TSHR: variants seen among roughly 807,000 people sequenced by gnomAD.
TSHR encodes the protein thyroid stimulating hormone receptor, also known as thyrotropin receptor.
A neutral mutation model predicts 64.1 loss-of-function variants in TSHR; 51 were observed. That is an observed-to-expected ratio of 0.80 (90% CI 0.64 to 1.01). The LOEUF (loss-of-function observed/expected upper bound fraction) is 1.01, where lower values mean the gene tolerates loss of function less well. Ranked by LOEUF, TSHR falls within the 50% of genes least tolerant of loss-of-function variation. The probability of loss-of-function intolerance (pLI) is 0.00; values close to 1 mark genes in which losing one functional copy is unlikely to be tolerated. For missense variants in TSHR, 877 were observed against 942.8 expected (o/e 0.93, Z 0.91); for synonymous variants, 361 against 361.9 (o/e 1.00, Z 0.03).
Position 81,067,486 on chromosome 14 carries a change from TA to T in TSHR, c.243-767del, listed in dbSNP as rs1371567542. ...TTAGTGAAAGGAGTTTATAGTTTTA[TA>T]TATATATATATATATATAGTGATAT... On this transcript the variant is annotated intron_variant, in intron 2 of 9. Transcript: ENST00000298171. Among the ~76,000 whole-genome samples the T allele has an allele frequency of 5.1e-3, 726 of 142,182 alleles. 4 individuals are homozygous for T. Among genetic ancestry groups the T allele is most frequent in the African/African-American group, 0.018 (669 of 36,854 alleles). The allele number at this position is 142,182 out of a possible 152,430, so 93.3% of individuals were successfully genotyped here.
At chr14:81,000,342 G>A (rs1189374384) in intron 1 of TSHR, among the ~76,000 whole-genome samples, 1 of 152,050 alleles carries the variant, frequency 6.6e-6, no homozygotes, top group Non-Finnish European at 1.5e-5. Flanking sequence ...CATCTAGCAC[G>A]ATGTTTAACA....
intron 1 of TSHR, among the ~76,000 whole-genome samples, chr14:81,008,784 A>G (rs959019268): frequency 6.6e-6 from 1 of 152,238 alleles, no homozygotes; most frequent in African/African-American, 2.4e-5. Flanking sequence ...TACTGTAAGA[A>G]TAATGGAAAT....
At chr14:81,052,090 C>T (rs1413580905) in intron 1 of TSHR, 2 of 151,802 alleles carry the variant, frequency 1.3e-5, no homozygotes, top group African/African-American at 4.9e-5. Flanking sequence ...GTTGCCTCTG[C>T]TTTGGGGGAC....
At chr14:81,087,665 GA>G (rs1053848295) in intron 3 of TSHR, 19 of 401,210 alleles carry the variant, frequency 4.7e-5, no homozygotes, top group African/African-American at 1.8e-4. Flanking sequence ...AAATGTAAAA[GA>G]AAAAAAATTC....
At chr14:80,996,579 A>G (rs571589327) in intron 1 of TSHR, among the ~76,000 whole-genome samples, 2 of 103,962 alleles carry the variant, frequency 1.9e-5, no homozygotes, top group African/African-American at 6.5e-5. Flanking sequence ...ACTCCCGCAC[A>G]TTGAGATCTG....
At position 81,145,909 on chromosome 14, in the gene TSHR, G is replaced by C. The variant is rs1891910021; in HGVS notation, c.*1556G>C. ...TCATAAACCACACCATGAAATAAAA[G>C]CTCTTTGTTGTTTTAAGATTGTGAA... On this transcript the variant is annotated 3_prime_UTR_variant, in exon 10 of 10. Transcript: ENST00000298171. The C allele has an allele frequency of 4.3e-6, 1 of 232,398 alleles. No individual in the cohort carries two copies. Among genetic ancestry groups the C allele is most frequent in the Non-Finnish European group, 8.5e-6 (1 of 117,636 alleles). The allele number at this position is 232,398 out of a possible 1,614,324, so 14.4% of individuals were successfully genotyped here. A position where few individuals can be genotyped will look rare whatever the true frequency, so the allele number is the denominator to read the frequency against.
At chr14:81,045,493 C>T (rs1885131397) in intron 1 of TSHR, among the ~76,000 whole-genome samples, 1 of 152,124 alleles carries the variant, frequency 6.6e-6, no homozygotes, top group Admixed American at 6.6e-5. Context: ...ATCAACCCGT[C>T]AGCTAGGTAT....
intron 8 of TSHR, among the ~76,000 whole-genome samples, chr14:81,122,479 G>A (rs948901797): frequency 3.3e-5 from 5 of 152,064 alleles, no homozygotes; most frequent in Middle Eastern, 3.2e-3. Context: ...CATGACAAAG[G>A]AAATGAAAGC....
intron 1 of TSHR, chr14:80,983,279 A>G (rs1888264701): frequency 2.5e-6 from 3 of 1,195,290 alleles, no homozygotes; most frequent in Non-Finnish European, 2.3e-6. Flanking sequence ...GATCAAAGAT[A>G]CTAGGGCAAC....
intron 1 of TSHR, among the ~76,000 whole-genome samples, chr14:81,058,546 T>A (rs889859742): frequency 6.6e-6 from 1 of 152,166 alleles, no homozygotes; most frequent in Admixed American, 6.5e-5. Context: ...GAGGTGAGGT[T>A]TTTTTCTCAT....
intron 3 of TSHR, among the ~76,000 whole-genome samples, chr14:81,070,651 A>C (rs565510730): frequency 3.5e-5 from 5 of 143,334 alleles, no homozygotes; most frequent in African/African-American, 1.4e-4. Context: ...AAAAAAAAAA[A>C]GCAGCAAGGA....
chr14:81,006,391 A>G (rs1292985543), intron 1 of TSHR, among the ~76,000 whole-genome samples: 2 of 152,060 alleles, frequency 1.3e-5, no homozygotes, highest in Admixed American at 6.6e-5. Context: ...GTGTTCTCAC[A>G]TGGTTTTGTC....
Position 81,143,964 on chromosome 14 carries a change from T to G in TSHR, c.1906T>G (p.Cys636Gly), listed in dbSNP as rs1891823429. 1.9e-6 allele frequency: 3 copies of G among 1,614,242 alleles called. 1 individual carries two copies. ...TGTGTTGATCTTCACCGACTTCATA[T>G]GCATGGCCCCAATCTCATTCTATGC... ...MAVLIFTDFI[C>G]MAPISFYALS... The change falls in exon 10 of 10, where the codon TGC becomes GGC. Residue 636 changes from cysteine (C) to glycine (G), a missense_variant. Physicochemically the swap from Cys to Gly is radical, Grantham distance 159. Transcript: ENST00000298171.
chr14:81,007,093 A>G (rs1448995678), intron 1 of TSHR, among the ~76,000 whole-genome samples: 1 of 152,164 alleles, frequency 6.6e-6, no homozygotes, highest in African/African-American at 2.4e-5. Context: ...CGTCCTCTCA[A>G]AATTCACGTT....
chr14:81,140,739 G>A (rs1055374396), intron 9 of TSHR, among the ~76,000 whole-genome samples: 2 of 152,074 alleles, frequency 1.3e-5, no homozygotes, highest in African/African-American at 2.4e-5. Flanking sequence ...TATGTATTTA[G>A]TGATTGACTT....
chr14:80,976,885 A>G (rs963947706), intron 1 of TSHR, among the ~76,000 whole-genome samples: 3 of 152,228 alleles, frequency 2.0e-5, no homozygotes, highest in African/African-American at 7.2e-5. Flanking sequence ...AGACCAATAT[A>G]TTCTTCCTAA....
chr14:80,982,508 T>C (rs148645772), intron 1 of TSHR: 11 of 1,043,774 alleles, frequency 1.1e-5, no homozygotes, highest in East Asian at 2.9e-5. Context: ...GAGAATGTCA[T>C]TGGGAACTGG....
intron 8 of TSHR, among the ~76,000 whole-genome samples, chr14:81,131,894 G>A (rs970398143): frequency 6.6e-6 from 1 of 152,168 alleles, no homozygotes; most frequent in Admixed American, 6.6e-5. Flanking sequence ...GTAAGCATGA[G>A]GAGAGCAGGA....
At chr14:81,027,119 CT>C (rs1391580120) in intron 1 of TSHR, among the ~76,000 whole-genome samples, 1 of 150,478 alleles carries the variant, frequency 6.6e-6, no homozygotes, top group Non-Finnish European at 1.5e-5. Flanking sequence ...TTCATGACAT[CT>C]TGAGAAAGTG....
Sources: gnomAD v4.1 joint callset for allele counts (sites outside exome capture counted in the v4.1 genomes callset) on GRCh38, gnomAD v4.1.1 for gene constraint, MANE v1.5 for transcripts, NCBI Gene and HGNC (gene_info 2026-07-23, HGNC 2026-07-21) for gene names.